The following PDZD2 variants were observed in gnomAD, a reference collection of about 807,000 sequenced individuals.
PDZD2 encodes PDZ domain containing 2.
Under a neutral mutation model 220.7 loss-of-function variants are expected in PDZD2, and 90 were observed. That is an observed-to-expected ratio of 0.41 (90% CI 0.34 to 0.49). PDZD2 has a LOEUF of 0.49. Among genes scored for constraint, PDZD2 ranks in the 20% least tolerant of loss-of-function variants. The pLI, the probability that PDZD2 is intolerant of heterozygous loss-of-function variation, is 0.28. For missense variants in PDZD2, 3,174 were observed against 3,608.5 expected (o/e 0.88, Z 3.08); for synonymous variants, 1,375 against 1,450.5 (o/e 0.95, Z 1.18).
intron 5 of PDZD2, among the ~76,000 whole-genome samples, chr5:32,004,924 C>G (rs1467410903): frequency 6.6e-6 from 1 of 152,190 alleles, no homozygotes; most frequent in Non-Finnish European, 1.5e-5. Context: ...AGCTGTGGTG[C>G]TGAAGCTGAC....
chr5:31,933,747 C>T (rs1456765327), intron 2 of PDZD2, among the ~76,000 whole-genome samples: 2 of 152,174 alleles, frequency 1.3e-5, no homozygotes, highest in East Asian at 1.9e-4. Flanking sequence ...TCTGTTTCCA[C>T]ACGAACGCAA....
chr5:31,643,506 TGCATTTGAGGAAGCTAAG>T (rs1406266715), intron 1 of PDZD2, among the ~76,000 whole-genome samples: 2 of 152,176 alleles, frequency 1.3e-5, no homozygotes, highest in Non-Finnish European at 2.9e-5. Context: ...CGGTAACACC[TGCATTTGAGGAAGCTAAG>T]GCCCAGAAAA....
At chr5:31,962,323 G>C (rs1346472173) in intron 2 of PDZD2, among the ~76,000 whole-genome samples, 2 of 152,130 alleles carry the variant, frequency 1.3e-5, no homozygotes, top group African/African-American at 4.8e-5. Flanking sequence ...GTACCTGGAG[G>C]CCGTCCCTTT....
chr5:31,921,294 A>G (rs989262683), intron 2 of PDZD2, among the ~76,000 whole-genome samples: 1 of 152,172 alleles, frequency 6.6e-6, no homozygotes, highest in African/African-American at 2.4e-5. Context: ...CTCTGCCATT[A>G]ATGTACAGTG....
rs1749511489 is a variant in PDZD2, at chr5:31,973,812, AG to A, written c.477-9341del. On this transcript the variant is annotated intron_variant, in intron 2 of 24. Coordinates refer to ENST00000438447, the MANE Select transcript of PDZD2 (RefSeq NM_178140.4). ...CGAGGCAGGAGAATCACTTGAGGCT[AG>A]GAGTTTGAGACCAGCCTGGGCAACA... Among the ~76,000 whole-genome samples the A allele has an allele frequency of 2.0e-5, 3 of 152,168 alleles. No homozygotes were observed. In the South Asian group the frequency reaches 6.2e-4, roughly 31 times the overall value.
chr5:32,025,005 C>T (rs1373682397), intron 6 of PDZD2, among the ~76,000 whole-genome samples: 1 of 152,240 alleles, frequency 6.6e-6, no homozygotes, highest in African/African-American at 2.4e-5. Context: ...GAGCCTGGAA[C>T]AGCCTCTCTT....
intron 2 of PDZD2, among the ~76,000 whole-genome samples, chr5:31,933,679 A>G (rs1228449188): frequency 1.3e-5 from 2 of 152,178 alleles, no homozygotes; most frequent in African/African-American, 4.8e-5. Flanking sequence ...TTGTAACCTC[A>G]GTACTTCCAC....
intron 1 of PDZD2, among the ~76,000 whole-genome samples, chr5:31,715,890 TCATTCCTGAAAAGGTTGATTC>T (rs1396264336): frequency 6.6e-6 from 1 of 152,210 alleles, no homozygotes; most frequent in East Asian, 1.9e-4. Context: ...TTTTGTGAAG[TCATTCCTGAAAAGGTTGATTC>T]TTGACGTTGA....
intron 2 of PDZD2, among the ~76,000 whole-genome samples, chr5:31,971,362 C>G (rs1325699843): frequency 6.6e-6 from 1 of 152,182 alleles, no homozygotes; most frequent in Non-Finnish European, 1.5e-5. Flanking sequence ...GCTAGTTCTT[C>G]CAGTCCTTTT....
chr5:32,054,312 C>CTTTTTTTTTTTTTT (rs57135705), intron 10 of PDZD2, among the ~76,000 whole-genome samples: 6 of 69,330 alleles, frequency 8.7e-5, no homozygotes, highest in African/African-American at 3.2e-4. Flanking sequence ...AAATGAACAT[C>CTTTTTTTTTTTTTT]TTTTTTTTTT....
intron 2 of PDZD2, among the ~76,000 whole-genome samples, chr5:31,925,943 T>A (rs1173731475): frequency 5.3e-5 from 8 of 152,054 alleles, no homozygotes; most frequent in Admixed American, 5.2e-4. Context: ...ATTTATGAAG[T>A]CAAGTGCCTC....
intron 2 of PDZD2, among the ~76,000 whole-genome samples, chr5:31,975,949 G>A (rs190572864): frequency 6.6e-6 from 1 of 151,742 alleles, no homozygotes; most frequent in East Asian, 1.9e-4. Flanking sequence ...GAGTACAGGT[G>A]TGCACCACCA....
chr5:32,095,904 C>CTTCTTTT, intron 21 of PDZD2, among the ~76,000 whole-genome samples: 1 of 121,322 alleles, frequency 8.2e-6, no homozygotes, highest in African/African-American at 3.1e-5. Context: ...CCATGCCCGG[C>CTTCTTTT]TTTTTTTTTT....
intron 2 of PDZD2, among the ~76,000 whole-genome samples, chr5:31,915,849 T>C (rs574854833): frequency 2.0e-5 from 3 of 152,228 alleles, no homozygotes; most frequent in Non-Finnish European, 4.4e-5. Context: ...ACTTCCTTTT[T>C]ACAGTGTACC....
chr5:31,886,759 G>A (rs919459614), intron 2 of PDZD2, among the ~76,000 whole-genome samples: 2 of 151,174 alleles, frequency 1.3e-5, no homozygotes, highest in East Asian at 1.9e-4. Context: ...GTGCAGTGGT[G>A]CGATCTCGGC....
At chr5:31,874,749 C>T (rs944317863) in intron 2 of PDZD2, among the ~76,000 whole-genome samples, 4 of 138,602 alleles carry the variant, frequency 2.9e-5, no homozygotes, top group African/African-American at 5.6e-5. Context: ...CAGCAGAACA[C>T]GACTCTATCT....
At chr5:31,885,161 AAAAAAAAAAAAAG>A (rs1471695705) in intron 2 of PDZD2, among the ~76,000 whole-genome samples, 7 of 150,050 alleles carry the variant, frequency 4.7e-5, no homozygotes, top group Non-Finnish European at 8.9e-5. Context: ...CAAACGGCAA[AAAAAAAAAAAAAG>A]AAAAAGAAAA....
chr5:32,025,987 G>A (rs1395412647), intron 6 of PDZD2, among the ~76,000 whole-genome samples: 1 of 152,158 alleles, frequency 6.6e-6, no homozygotes, highest in Non-Finnish European at 1.5e-5. Flanking sequence ...CCATGTAAGA[G>A]TATGACACAT....
intron 2 of PDZD2, among the ~76,000 whole-genome samples, chr5:31,886,375 C>G (rs1740474153): frequency 6.6e-6 from 1 of 152,064 alleles, no homozygotes; most frequent in South Asian, 2.1e-4. Context: ...TCCCCTTGGC[C>G]CCTTCCTTCC....
Sources: gnomAD v4.1 joint callset for allele counts (sites outside exome capture counted in the v4.1 genomes callset) on GRCh38, gnomAD v4.1.1 for gene constraint, MANE v1.5 for transcripts, NCBI Gene and HGNC (gene_info 2026-07-23, HGNC 2026-07-21) for gene names.